RAB11FIP4: variants seen among roughly 807,000 people sequenced by gnomAD.
RAB11FIP4 encodes the protein rab11 family-interacting protein 4.
Under a neutral mutation model 74.3 loss-of-function variants are expected in RAB11FIP4, and 23 were observed. The observed-to-expected ratio is 0.31, with a 90% CI of 0.22 to 0.44. The LOEUF is 0.44. RAB11FIP4 is among the 20% of genes least tolerant of loss of function. The pLI is 1.00. For missense variants in RAB11FIP4, 630 were observed against 863.9 expected (o/e 0.73, Z 3.39); for synonymous variants, 360 against 359.9 (o/e 1.00, Z 0.00).
intron 3 of RAB11FIP4, among the ~76,000 whole-genome samples, chr17:31,467,741 C>T (rs542214240): frequency 8.5e-5 from 13 of 152,310 alleles, no homozygotes; most frequent in Admixed American, 2.6e-4. Context: ...TGCCACCCAC[C>T]GCTCTCCATC....
chr17:31,458,031 A>G (rs1597928205), intron 3 of RAB11FIP4, among the ~76,000 whole-genome samples: 1 of 151,436 alleles, frequency 6.6e-6, no homozygotes, highest in Non-Finnish European at 1.5e-5. Flanking sequence ...TCCTTTAACC[A>G]CCCCCAGCAG....
intron 1 of RAB11FIP4, among the ~76,000 whole-genome samples, chr17:31,400,004 C>T (rs2070969793): frequency 6.6e-6 from 1 of 151,416 alleles, no homozygotes; most frequent in Non-Finnish European, 1.5e-5. Flanking sequence ...GATTGCGCCA[C>T]TGCACTCCAG....
intron 3 of RAB11FIP4, among the ~76,000 whole-genome samples, chr17:31,507,559 T>G (rs2072374563): frequency 6.6e-6 from 1 of 152,230 alleles, no homozygotes; most frequent in Admixed American, 6.5e-5. Flanking sequence ...TTTTTGCTAT[T>G]GAGTTGTTTG....
At position 31,531,858 on chromosome 17, in the gene RAB11FIP4, C is replaced by G; in HGVS notation, c.*126C>G. ...ATGTCTCTCTGGCCACCATGCGTTA[C>G]GTGTACCCGTGTATATGTGGGGAGG... is the stretch of plus-strand genomic sequence containing the variant. On this transcript the variant is annotated 3_prime_UTR_variant, in exon 15 of 15. Transcript: ENST00000621161. 1 of 690,214 alleles carries G rather than the reference C, an allele frequency of 1.4e-6. No individual in the cohort carries two copies. The highest frequency in any genetic ancestry group is 2.6e-6 in the Non-Finnish European group (1 of 388,568). The allele number at this position is 690,214 out of a possible 1,614,324, so 42.8% of individuals were successfully genotyped here. A position where few individuals can be genotyped will look rare whatever the true frequency, so the allele number is the denominator to read the frequency against.
chr17:31,411,792 G>A (rs2071098993), intron 1 of RAB11FIP4, among the ~76,000 whole-genome samples: 1 of 152,242 alleles, frequency 6.6e-6, no homozygotes, highest in Admixed American at 6.5e-5. Context: ...TGAGGAATTT[G>A]CTGAGCTGCC....
At chr17:31,421,084 C>CAAA (rs1476263099) in intron 1 of RAB11FIP4, among the ~76,000 whole-genome samples, 9 of 150,132 alleles carry the variant, frequency 6.0e-5, no homozygotes. Context: ...AACTCCATCT[C>CAAA]AAACAAACAA....
intron 3 of RAB11FIP4, among the ~76,000 whole-genome samples, chr17:31,474,878 AAAAC>A (rs1318298394): frequency 2.4e-3 from 94 of 38,428 alleles, no homozygotes; most frequent in Non-Finnish European, 4.6e-3. Flanking sequence ...AACAAAACAA[AAAAC>A]AAAAAAAAAA....
chr17:31,425,637 T>C (rs1243758611), intron 1 of RAB11FIP4, among the ~76,000 whole-genome samples: 5 of 152,244 alleles, frequency 3.3e-5, no homozygotes, highest in Non-Finnish European at 7.3e-5. Flanking sequence ...GGAAGCCTGG[T>C]AATTGAGTGG....
intron 3 of RAB11FIP4, among the ~76,000 whole-genome samples, chr17:31,506,507 T>C (rs1478439433): frequency 6.6e-6 from 1 of 152,206 alleles, no homozygotes; most frequent in Non-Finnish European, 1.5e-5. Context: ...TGACTATAGC[T>C]TCGTGCCTGT....
intron 1 of RAB11FIP4, 157 bp from the exon 2 acceptor site, chr17:31,431,654 TAA>T (rs2071310571): frequency 1.6e-6 from 1 of 606,330 alleles, no homozygotes; most frequent in African/African-American, 1.9e-5. Context: ...ATGGGGAGAA[TAA>T]AGTGGCCCCA....
In RAB11FIP4 at chr17:31,512,299, ACTGG is replaced by A. The variant is rs1487686966; in HGVS notation, c.337-5350_337-5347del. Among the ~76,000 whole-genome samples the A allele has an allele frequency of 1.3e-5, 2 of 152,028 alleles. No homozygotes were observed. The highest frequency in any genetic ancestry group is 4.8e-5 in the African/African-American group (2 of 41,388). On this transcript the variant is annotated intron_variant, in intron 3 of 14. Coordinates refer to ENST00000621161, the MANE Select transcript of RAB11FIP4 (RefSeq NM_032932.6). This position sits in a 1 kb window ranked among gnomAD's most constrained non-coding sequence, Gnocchi z 4.1. ...TAGAGCTGCCACTGAGGTGGAGTTGACTGGCCCCATTCTGTAGGTGAGGAGCCAG... is the reference window on the plus strand; with the variant it reads ...TAGAGCTGCCACTGAGGTGGAGTTGACCCCATTCTGTAGGTGAGGAGCCAG...
At chr17:31,528,183 A>G (rs1208260337) in intron 11 of RAB11FIP4, among the ~76,000 whole-genome samples, 1 of 152,256 alleles carries the variant, frequency 6.6e-6, no homozygotes, top group Non-Finnish European at 1.5e-5. Context: ...TGCATCTAGC[A>G]TCGTTGAAGG....
At chr17:31,493,128 G>C (rs7220110) in intron 3 of RAB11FIP4, among the ~76,000 whole-genome samples, 47 of 152,278 alleles carry the variant, frequency 3.1e-4, no homozygotes, top group African/African-American at 1.1e-3. Context: ...CCCACTTCTT[G>C]ACTGACCTTA....
At chr17:31,477,793 C>G (rs1257809476) in intron 3 of RAB11FIP4, among the ~76,000 whole-genome samples, 1 of 152,152 alleles carries the variant, frequency 6.6e-6, no homozygotes, top group Admixed American at 6.5e-5. Flanking sequence ...TGGAGCCAGG[C>G]TGCCTGGGTT....
chr17:31,454,305 G>A (rs1029770591), intron 3 of RAB11FIP4, among the ~76,000 whole-genome samples: 15 of 152,046 alleles, frequency 9.9e-5, no homozygotes, highest in Admixed American at 5.9e-4. Context: ...ATGGAGTCTC[G>A]TTCTGTCACC....
intron 4 of RAB11FIP4, 89 bp from the exon 5 acceptor site, chr17:31,521,077 A>T: frequency 1.9e-6 from 2 of 1,059,164 alleles, no homozygotes; most frequent in Non-Finnish European, 2.7e-6. Flanking sequence ...AGTGCCAATT[A>T]AAGGGAAATG....
Position 31,391,699 on chromosome 17 carries a change from C to T in RAB11FIP4, c.-154C>T. On this transcript the variant is annotated 5_prime_UTR_variant, in exon 1 of 15. Coordinates refer to ENST00000621161, the MANE Select transcript of RAB11FIP4 (RefSeq NM_032932.6). Reference sequence around the variant, plus strand: ...CGGAGCGGCTGGGGCTGCGGCGCCGCTGCTGACACGGATCGGCCGCGGCCG... The same window carrying T: ...CGGAGCGGCTGGGGCTGCGGCGCCGTTGCTGACACGGATCGGCCGCGGCCG... 1 of 421,016 alleles carries T rather than the reference C, an allele frequency of 2.4e-6. No homozygotes were observed. Among genetic ancestry groups the T allele is most frequent in the African/African-American group, 2.2e-5 (1 of 46,380 alleles). 26.1% of individuals were successfully genotyped at this position (421,016 alleles called of 1,614,324 possible).
At chr17:31,483,168 G>A (rs188788534) in intron 3 of RAB11FIP4, among the ~76,000 whole-genome samples, 55 of 138,560 alleles carry the variant, frequency 4.0e-4, no homozygotes, top group Non-Finnish European at 6.0e-4. Flanking sequence ...ATTCCAGCCC[G>A]GGTGACAGAG....
intron 5 of RAB11FIP4, 135 bp downstream of exon 5, chr17:31,521,495 G>A: frequency 1.3e-6 from 1 of 797,674 alleles, no homozygotes. Flanking sequence ...TTCTGCTCCT[G>A]GGGCTTGGGG....
Sources: gnomAD v4.1 joint callset for allele counts (sites outside exome capture counted in the v4.1 genomes callset) on GRCh38, gnomAD v4.1.1 for gene constraint, Gnocchi (gnomAD v3.1) non-coding constraint, MANE v1.5 for transcripts, NCBI Gene and HGNC (gene_info 2026-07-23, HGNC 2026-07-21) for gene names.